CSGALNACT1: variants seen among roughly 807,000 people sequenced by gnomAD.
The protein encoded by CSGALNACT1 is beta4GalNAcT-1.
Under a neutral mutation model 51.0 loss-of-function variants are expected in CSGALNACT1, and 52 were observed. That is an observed-to-expected ratio of 1.02 (90% CI 0.82 to 1.29). CSGALNACT1 has a LOEUF of 1.29. Among genes scored for constraint, CSGALNACT1 ranks in the 50% most tolerant of loss-of-function variants. The pLI, the probability that CSGALNACT1 is intolerant of heterozygous loss-of-function variation, is 0.00. For synonymous variants in CSGALNACT1, 341 were observed against 254.4 expected (o/e 1.34, Z -3.24); for missense variants, 935 against 679.2 (o/e 1.38, Z -4.19).
At chr8:19,571,290 C>T (rs1044837129) in intron 3 of CSGALNACT1, among the ~76,000 whole-genome samples, 1 of 152,112 alleles carries the variant, frequency 6.6e-6, no homozygotes, top group African/African-American at 2.4e-5. Context: ...AACTAAGACA[C>T]TCATCTGACA....
At chr8:19,406,164 T>A in intron 9 of CSGALNACT1, 95 bp from the exon 9 acceptor site, 1 of 1,402,566 alleles carries the variant, frequency 7.1e-7, no homozygotes, top group Non-Finnish European at 1.0e-6. Context: ...AAGACATGAC[T>A]GGGGGGGATG....
chr8:19,641,128 CTTTTTTTTTTTTT>C (rs56681695), intron 1 of CSGALNACT1, among the ~76,000 whole-genome samples: 1 of 99,978 alleles, frequency 1.0e-5, no homozygotes, highest in Admixed American at 1.2e-4. Context: ...GGTGACTGGT[CTTTTTTTTTTTTT>C]TTTTTTTTTT....
At chr8:19,706,936 T>A (rs2062205510) in intron 1 of CSGALNACT1, among the ~76,000 whole-genome samples, 1 of 151,994 alleles carries the variant, frequency 6.6e-6, no homozygotes, top group Non-Finnish European at 1.5e-5. Flanking sequence ...TGGCCTCGTA[T>A]CTGATCAAAA....
intron 4 of CSGALNACT1, among the ~76,000 whole-genome samples, chr8:19,485,229 A>C (rs1586969841): frequency 6.6e-6 from 1 of 152,166 alleles, no homozygotes; most frequent in Non-Finnish European, 1.5e-5. Context: ...TCGGTCAATC[A>C]CAACACACTC....
At chr8:19,509,932 T>C (rs1390566053) in intron 3 of CSGALNACT1, among the ~76,000 whole-genome samples, 2 of 152,156 alleles carry the variant, frequency 1.3e-5, no homozygotes, top group African/African-American at 4.8e-5. Context: ...ACCCACATTT[T>C]TAGACCAGGT....
At chr8:19,756,691 G>C (rs1339021023) in intron 1 of CSGALNACT1, among the ~76,000 whole-genome samples, 1 of 151,482 alleles carries the variant, frequency 6.6e-6, no homozygotes, top group Non-Finnish European at 1.5e-5. Context: ...GCCCGGTCCC[G>C]GGCAGGCGAG....
upstream of CSGALNACT1, among the ~76,000 whole-genome samples, chr8:19,604,700 G>C (rs993885239): frequency 6.8e-6 from 1 of 147,652 alleles, no homozygotes; most frequent in Non-Finnish European, 1.5e-5. Flanking sequence ...AATGTCAGGA[G>C]ATCAAGACCA....
intron 4 of CSGALNACT1, among the ~76,000 whole-genome samples, chr8:19,479,037 C>T (rs1357050376): frequency 6.6e-6 from 1 of 152,170 alleles, no homozygotes; most frequent in East Asian, 1.9e-4. Flanking sequence ...ACACAGAATG[C>T]AAAGTTAAAA....
chr8:19,738,453 T>G (rs1013188398), intron 1 of CSGALNACT1, among the ~76,000 whole-genome samples: 1 of 152,122 alleles, frequency 6.6e-6, no homozygotes, highest in Admixed American at 6.6e-5. Context: ...GAAGGTAGAA[T>G]GGTGGTTGTC....
intron 1 of CSGALNACT1, among the ~76,000 whole-genome samples, chr8:19,748,951 T>G (rs2064860061): frequency 1.3e-5 from 2 of 149,638 alleles, no homozygotes; most frequent in Admixed American, 6.7e-5. Context: ...GGTGACAGAG[T>G]GAGACTCCAT....
chr8:19,499,462 AAAT>A (rs1279095423), intron 4 of CSGALNACT1, among the ~76,000 whole-genome samples: 2 of 152,206 alleles, frequency 1.3e-5, no homozygotes, highest in African/African-American at 4.8e-5. Context: ...AAAAACAAAT[AAAT>A]AATAAAAACA....
At chr8:19,675,540 G>T (rs903002065) in intron 1 of CSGALNACT1, among the ~76,000 whole-genome samples, 18 of 152,058 alleles carry the variant, frequency 1.2e-4, no homozygotes, top group Admixed American at 3.9e-4. Context: ...CAAGGCTGGA[G>T]TGAGTACAGT....
chr8:19,698,561 G>A (rs1421833881), intron 1 of CSGALNACT1, among the ~76,000 whole-genome samples: 1 of 152,172 alleles, frequency 6.6e-6, no homozygotes, highest in Non-Finnish European at 1.5e-5. Flanking sequence ...CAGAGGAGCA[G>A]TGATTCTCAA....
chr8:19,431,737 C>T (rs924126768), intron 6 of CSGALNACT1, among the ~76,000 whole-genome samples: 1 of 152,002 alleles, frequency 6.6e-6, no homozygotes, highest in Admixed American at 6.6e-5. Flanking sequence ...TTTTGACACA[C>T]TAGTGTTAAT....
upstream of CSGALNACT1, among the ~76,000 whole-genome samples, chr8:19,685,535 G>C (rs548323935): frequency 2.0e-4 from 31 of 152,252 alleles, no homozygotes; most frequent in African/African-American, 6.7e-4. Context: ...AATTATTTGA[G>C]GATGCTCCTA....
intron 1 of CSGALNACT1, among the ~76,000 whole-genome samples, chr8:19,623,056 G>C (rs2054022383): frequency 6.6e-6 from 1 of 151,126 alleles, no homozygotes; most frequent in Non-Finnish European, 1.5e-5. Flanking sequence ...AGAACTTAAA[G>C]TAAAGTAAAT....
intron 4 of CSGALNACT1, among the ~76,000 whole-genome samples, chr8:19,494,454 T>C (rs1261813502): frequency 6.6e-6 from 1 of 152,214 alleles, no homozygotes; most frequent in East Asian, 1.9e-4. Context: ...CATGACCCTG[T>C]GCTGTCCTTA....
chr8:19,462,315 C>G (rs1002383166), intron 4 of CSGALNACT1, among the ~76,000 whole-genome samples: 1 of 151,520 alleles, frequency 6.6e-6, no homozygotes, highest in Admixed American at 6.6e-5. Context: ...GTTTAACGTA[C>G]AGATAAAAAT....
At chr8:19,740,431 G>A (rs956001004) in intron 1 of CSGALNACT1, among the ~76,000 whole-genome samples, 1 of 152,206 alleles carries the variant, frequency 6.6e-6, no homozygotes, top group African/African-American at 2.4e-5. Flanking sequence ...CAGGATGAAA[G>A]GACAGTGACG....
Sources: allele counts gnomAD v4.1 joint callset (sites outside exome capture counted in the v4.1 genomes callset), GRCh38; gene constraint gnomAD v4.1.1; transcripts MANE v1.5; gene names NCBI Gene and HGNC (gene_info 2026-07-23, HGNC 2026-07-21).